ARFGAP3: variants seen among roughly 807,000 people sequenced by gnomAD.
The protein encoded by ARFGAP3 is ADP-ribosylation factor GTPase-activating protein 3.
Under a neutral mutation model 75.0 loss-of-function variants are expected in ARFGAP3, and 72 were observed. The ratio of observed to expected loss-of-function variants is 0.96; its 90% CI spans 0.79 to 1.17. The LOEUF (loss-of-function observed/expected upper bound fraction) is 1.17. Among genes scored for constraint, ARFGAP3 ranks in the 50% most tolerant of loss-of-function variants. The pLI is 0.00. For synonymous variants in ARFGAP3, 221 were observed against 217.9 expected (o/e 1.01, Z -0.13); for missense variants, 620 against 626.6 (o/e 0.99, Z 0.11).
chr22:42,847,331 CATTTTTT>C, intron 2 of ARFGAP3, 176 bp downstream of exon 2: 1 of 547,300 alleles, frequency 1.8e-6, no homozygotes, highest in East Asian at 3.2e-5. Flanking sequence ...CACACCACAA[CATTTTTT>C]ATTTTTTGTA....
At chr22:42,803,146 C>T (rs562883270) in intron 14 of ARFGAP3, among the ~76,000 whole-genome samples, 57 of 152,250 alleles carry the variant, frequency 3.7e-4, no homozygotes, top group Non-Finnish European at 7.2e-4. Flanking sequence ...AGGCATTAGC[C>T]ATCGCACCTA....
chr22:42,852,343 C>T (rs1927313539), intron 1 of ARFGAP3, among the ~76,000 whole-genome samples: 1 of 149,574 alleles, frequency 6.7e-6, no homozygotes, highest in South Asian at 2.1e-4. Flanking sequence ...ACAGGCGCCA[C>T]CGCGCCTAGC....
intron 9 of ARFGAP3, among the ~76,000 whole-genome samples, chr22:42,820,115 T>C (rs1462940406): frequency 6.6e-6 from 1 of 152,170 alleles, no homozygotes; most frequent in African/African-American, 2.4e-5. Flanking sequence ...TCCAGCTTAC[T>C]TGCAGGAAGG....
At chr22:42,843,072 T>C (rs1351084024) in intron 2 of ARFGAP3, among the ~76,000 whole-genome samples, 2 of 151,962 alleles carry the variant, frequency 1.3e-5, no homozygotes, top group Non-Finnish European at 2.9e-5. Context: ...ACAGCTCAGA[T>C]TTGCCTCCCC....
chr22:42,799,348 T>G, intron 14 of ARFGAP3, 188 bp from the exon 15 acceptor site: 6 of 590,870 alleles, frequency 1.0e-5, no homozygotes, highest in Non-Finnish European at 1.3e-5. Context: ...CATGAGAGAA[T>G]CCACACGACA....
At position 42,810,961 on chromosome 22, in the gene ARFGAP3, A is replaced by G; in HGVS notation, c.1065-17T>C. Reference sequence around the variant, plus strand: ...TCAAAGTAACTGTAGGAGCAAGAGTACAACAGTGACTTTGGAGGTCCTTGT... The same window carrying G: ...TCAAAGTAACTGTAGGAGCAAGAGTGCAACAGTGACTTTGGAGGTCCTTGT... On this transcript the variant is annotated splice_polypyrimidine_tract_variant and intron_variant, in intron 11 of 15. Transcript: ENST00000263245. The G allele has an allele frequency of 6.2e-7, 1 of 1,612,212 alleles. No homozygotes were observed. The highest frequency in any genetic ancestry group is 8.5e-7 in the Non-Finnish European group (1 of 1,179,156).
intron 7 of ARFGAP3, 50 bp from the exon 8 acceptor site, chr22:42,823,752 T>C: frequency 1.4e-6 from 2 of 1,430,424 alleles, no homozygotes; most frequent in Non-Finnish European, 1.9e-6. Context: ...ATAATTTTTC[T>C]TTTTTAGTGT....
intron 10 of ARFGAP3, 64 bp downstream of exon 10, chr22:42,817,664 GA>G: frequency 7.4e-7 from 1 of 1,343,706 alleles, no homozygotes; most frequent in East Asian, 2.4e-5. Context: ...CACAGTCCAA[GA>G]AAAATCCACT....
rs556472740 is a variant in ARFGAP3 at position 42,857,263 on chromosome 22, G to T, written c.-81C>A. ...AAGCGGCTACCGCCTCAGCAGGAGC[G>T]ACGAGGCCGCGGGGGCGGGGCTGCG... is the stretch of plus-strand genomic sequence containing the variant. On this transcript the variant is annotated 5_prime_UTR_variant, in exon 1 of 16. Coordinates refer to ENST00000263245, the MANE Select transcript of ARFGAP3 (RefSeq NM_014570.5). The T allele has an allele frequency of 2.4e-5, 35 of 1,469,604 alleles. 1 individual carries two copies. In the South Asian group the frequency reaches 3.5e-4, roughly 15 times the overall value. The allele number at this position is 1,469,604 out of a possible 1,614,324, so 91.0% of individuals were successfully genotyped here. A position where few individuals can be genotyped will look rare whatever the true frequency, so the allele number is the denominator to read the frequency against.
At chr22:42,828,299 C>T (rs1926132171) in intron 6 of ARFGAP3, among the ~76,000 whole-genome samples, 1 of 151,612 alleles carries the variant, frequency 6.6e-6, no homozygotes, top group African/African-American at 2.4e-5. Context: ...TAGCTCACAC[C>T]TGTAATCCCG....
chr22:42,822,180 A>C (rs905325652), intron 9 of ARFGAP3, 90 bp downstream of exon 9: 69 of 844,792 alleles, frequency 8.2e-5, no homozygotes, highest in African/African-American at 1.0e-4. Context: ...TTCCCCCCCC[A>C]CACAAAAATA....
In ARFGAP3 at chr22:42,805,110, G is replaced by A. The variant is rs115429241; in HGVS notation, c.1411+1963C>T. Among the ~76,000 whole-genome samples the A allele has an allele frequency of 4.7e-3, 710 of 152,264 alleles. 1 individual carries two copies. The highest frequency in any genetic ancestry group is 0.015 in the African/African-American group (623 of 41,564). On this transcript the variant is annotated intron_variant, in intron 14 of 15. Coordinates refer to ENST00000263245, the MANE Select transcript of ARFGAP3 (RefSeq NM_014570.5). ...GTTAGACCCCGGCGGGGGCAGGGGAGTGAGTTTCTGGGTGGCCTCTCACCC... is the reference window on the plus strand; with the variant it reads ...GTTAGACCCCGGCGGGGGCAGGGGAATGAGTTTCTGGGTGGCCTCTCACCC...
Position 42,815,971 on chromosome 22 carries a change from G to A in ARFGAP3, c.1064+1171C>T, listed in dbSNP as rs189157467. ...CTATTAAAAATACAAAAAATTAGCCGGGTATGGTGGCACACGCCTGTAGTC... is the reference window on the plus strand; with the variant it reads ...CTATTAAAAATACAAAAAATTAGCCAGGTATGGTGGCACACGCCTGTAGTC... On this transcript the variant is annotated intron_variant, in intron 11 of 15. Transcript: ENST00000263245. 1.2e-3 allele frequency among the ~76,000 whole-genome samples: 184 copies of A among 152,212 alleles called. 2 individuals are homozygous for A. The East Asian group carries it at 0.016, about 13-fold the overall frequency.
At chr22:42,841,453 C>G (rs1368498222) in intron 2 of ARFGAP3, among the ~76,000 whole-genome samples, 5 of 152,190 alleles carry the variant, frequency 3.3e-5, no homozygotes, top group Non-Finnish European at 7.3e-5. Context: ...GAGACCTACC[C>G]AACATCACGA....
intron 1 of ARFGAP3, among the ~76,000 whole-genome samples, chr22:42,853,170 T>C (rs2057268010): frequency 6.6e-6 from 1 of 152,208 alleles, no homozygotes; most frequent in Admixed American, 6.5e-5. Flanking sequence ...ATAATAAGAG[T>C]TTCTTTCTGA....
At chr22:42,802,908 G>T (rs1180685880) in intron 14 of ARFGAP3, among the ~76,000 whole-genome samples, 1 of 152,176 alleles carries the variant, frequency 6.6e-6, no homozygotes, top group East Asian at 1.9e-4. Context: ...CCCAAAATAA[G>T]AATTTTTAAT....
chr22:42,832,583 C>T (rs547445974), intron 5 of ARFGAP3, among the ~76,000 whole-genome samples: 1 of 151,560 alleles, frequency 6.6e-6, no homozygotes, highest in African/African-American at 2.4e-5. Flanking sequence ...ATAGATTGAG[C>T]AAGAGTTCAA....
intron 1 of ARFGAP3, 78 bp downstream of exon 1, chr22:42,857,036 G>C (rs1927536521): frequency 9.3e-6 from 13 of 1,405,006 alleles, no homozygotes; most frequent in Non-Finnish European, 9.4e-6. Context: ...CCCAAGCCAC[G>C]GGCACTGGCG....
At chr22:42,808,415 CAT>C (rs1223544947) in intron 13 of ARFGAP3, among the ~76,000 whole-genome samples, 1 of 149,842 alleles carries the variant, frequency 6.7e-6, no homozygotes, top group Admixed American at 6.7e-5. Context: ...AAAAAAGAAA[CAT>C]ATCTATGTGC....
Sources: gnomAD v4.1 joint callset for allele counts (sites outside exome capture counted in the v4.1 genomes callset) on GRCh38, gnomAD v4.1.1 for gene constraint, MANE v1.5 for transcripts, NCBI Gene and HGNC (gene_info 2026-07-23, HGNC 2026-07-21) for gene names.